RCN1: variants seen among roughly 807,000 people sequenced by gnomAD.
RCN1 encodes reticulocalbin-1.
Under a neutral mutation model 34.7 loss-of-function variants are expected in RCN1, and 14 were observed. The observed-to-expected ratio is 0.40, with a 90% CI of 0.27 to 0.63. The LOEUF is 0.63. Among genes scored for constraint, RCN1 ranks in the 30% least tolerant of loss-of-function variants. RCN1 has a pLI of 0.37. For synonymous variants in RCN1, 125 were observed against 165.5 expected (o/e 0.76, Z 1.88); for missense variants, 326 against 425.1 (o/e 0.77, Z 2.05).
chr11:32,098,478 G>T lies in RCN1; in HGVS notation c.577G>T (p.Ala193Ser), dbSNP rs1478539991. 9 of 1,614,078 alleles carry T rather than the reference G, an allele frequency of 5.6e-6. No homozygotes were observed. The highest frequency in any genetic ancestry group is 1.3e-5 in the African/African-American group (1 of 75,054). ...DLTATREEFT[A>S]FLHPEEFEHM... is the part of the protein sequence containing the mutation. ...GACAGCTACTCGGGAGGAGTTCACTGCCTTTCTGCATCCTGAAGAGTTTGA... is the reference window on the plus strand; with the variant it reads ...GACAGCTACTCGGGAGGAGTTCACTTCCTTTCTGCATCCTGAAGAGTTTGA... The change falls in exon 3 of 6, where the codon GCC becomes TCC. Residue 193 changes from alanine (A) to serine (S), a missense_variant. By Grantham distance (99) the Ala-to-Ser change is moderately conservative. Transcript: ENST00000054950.
chr11:32,092,487 T>C (rs1009100178), intron 1 of RCN1, among the ~76,000 whole-genome samples: 1 of 151,858 alleles, frequency 6.6e-6, no homozygotes, highest in Non-Finnish European at 1.5e-5. Context: ...ACTGATTTGT[T>C]TGGGGGGCAA....
intron 4 of RCN1, among the ~76,000 whole-genome samples, chr11:32,101,740 C>G (rs910777280): frequency 2.0e-5 from 3 of 152,178 alleles, no homozygotes; most frequent in Non-Finnish European, 4.4e-5. Context: ...TGACAGCTCC[C>G]TCATCAGAGC....
At chr11:32,092,015 T>G (rs223044) in intron 1 of RCN1, among the ~76,000 whole-genome samples, 104,647 of 151,870 alleles carry the variant, frequency 0.69, 36,416 homozygotes, top group East Asian at 0.97. Flanking sequence ...TCGTAAGGAG[T>G]CTGGGCGCGG....
chr11:32,093,036 A>G (rs1270484367), intron 1 of RCN1, among the ~76,000 whole-genome samples: 3 of 152,142 alleles, frequency 2.0e-5, no homozygotes, highest in African/African-American at 4.8e-5. Context: ...AGTTCAGTCT[A>G]TTGTATTGCT....
intron 4 of RCN1, chr11:32,102,215 C>T (rs1055768479): frequency 1.3e-5 from 2 of 151,964 alleles, no homozygotes; most frequent in Admixed American, 6.6e-5. Flanking sequence ...CTGTGTGACC[C>T]TGGGGTAATC....
rs769643112 is a variant in RCN1 at position 32,104,438 on chromosome 11, G to C, written c.962G>C (p.Gly321Ala). 1.3e-6 allele frequency: 2 copies of C among 1,544,368 alleles called. No individual in the cohort carries two copies. The highest frequency in any genetic ancestry group is 1.8e-6 in the Non-Finnish European group (2 of 1,118,584). Reference protein sequence around the residue: ...MFVGSQATNYGEDLTKNHDEL With the variant: ...MFVGSQATNYAEDLTKNHDEL ...GTCGGAAGCCAAGCTACCAATTACG[G>C]GGAAGATCTCACAAAAAATCATGAT... Residue 321 changes from glycine to alanine, a missense_variant, in exon 6 of 6, where the codon GGG becomes GCG. Physicochemically the swap from Gly to Ala is moderately conservative, Grantham distance 60. Transcript: ENST00000054950.
chr11:32,098,780 T>C (rs1209044649), intron 3 of RCN1, among the ~76,000 whole-genome samples: 1 of 152,158 alleles, frequency 6.6e-6, no homozygotes, highest in African/African-American at 2.4e-5. Flanking sequence ...TCCTGGGCTG[T>C]TCTCTGAGCA....
chr11:32,103,345 G>C lies in RCN1; in HGVS notation c.753G>C (p.Gln251His), dbSNP rs867590029. The change falls in exon 5 of 6, where the codon CAG (glutamine) becomes CAC (histidine). Residue 251 changes from glutamine to histidine, a missense_variant. Coordinates refer to ENST00000054950, the MANE Select transcript of RCN1 (RefSeq NM_002901.4). Reference sequence around the variant, plus strand: ...ACTGGGTTTTATCAGAACGGGAGCAGTTTAACGAATTCCGGGATCTGAACA... The same window carrying C: ...ACTGGGTTTTATCAGAACGGGAGCACTTTAACGAATTCCGGGATCTGAACA... The part of the protein sequence containing the change: ...EPDWVLSERE[Q>H]FNEFRDLNKD... 32 of 1,613,876 alleles carry C rather than the reference G, an allele frequency of 2.0e-5. 2 individuals are homozygous for C. The Middle Eastern group carries it at 5.1e-3, about 258-fold the overall frequency.
At chr11:32,091,576 C>T in intron 1 of RCN1, 126 bp downstream of exon 1, 1 of 1,241,958 alleles carries the variant, frequency 8.1e-7, no homozygotes, top group East Asian at 2.9e-5. Flanking sequence ...GAGGATGGGG[C>T]CCTGCCCAAC....
rs1269136802 is a variant in RCN1 at position 32,105,114 on chromosome 11, G to T, written c.*642G>T. 1 of 167,092 alleles carries T rather than the reference G, an allele frequency of 6.0e-6. No homozygotes were observed. Among genetic ancestry groups the T allele is most frequent in the East Asian group, 1.9e-4 (1 of 5,208 alleles). 10.4% of individuals were successfully genotyped at this position (167,092 alleles called of 1,614,324 possible). A position where few individuals can be genotyped will look rare whatever the true frequency, so the allele number is the denominator to read the frequency against. On this transcript the variant is annotated 3_prime_UTR_variant, in exon 6 of 6. Coordinates refer to ENST00000054950, the MANE Select transcript of RCN1 (RefSeq NM_002901.4). ...TTTCTATTAAAAAGCAATCAAGAAA[G>T]ATAATGTGAAAAAGAAAGGAATTTA...
At chr11:32,098,592 C>G in intron 3 of RCN1, 64 bp downstream of exon 3, 1 of 1,314,224 alleles carries the variant, frequency 7.6e-7, no homozygotes, top group Non-Finnish European at 1.0e-6. Context: ...CAAATCTTGT[C>G]TCTTCCAAAG....
Position 32,091,117 on chromosome 11 carries a change from C to A in RCN1, c.-80C>A. 1 of 1,359,676 alleles carries A rather than the reference C, an allele frequency of 7.4e-7. No homozygotes were observed. The highest frequency in any genetic ancestry group is 9.4e-7 in the Non-Finnish European group (1 of 1,061,652). The allele number at this position is 1,359,676 out of a possible 1,614,324, so 84.2% of individuals were successfully genotyped here. A position where few individuals can be genotyped will look rare whatever the true frequency, so the allele number is the denominator to read the frequency against. ...GGCCCCAACCCTGTCGCTGCCGCCGCGCTCCGAGTCCCCATTCCCGAGCTG... is the reference window on the plus strand; with the variant it reads ...GGCCCCAACCCTGTCGCTGCCGCCGAGCTCCGAGTCCCCATTCCCGAGCTG... On this transcript the variant is annotated 5_prime_UTR_variant, in exon 1 of 6. Coordinates refer to ENST00000054950, the MANE Select transcript of RCN1 (RefSeq NM_002901.4).
chr11:32,094,439 G>A (rs1050615197), intron 1 of RCN1, among the ~76,000 whole-genome samples: 5 of 152,128 alleles, frequency 3.3e-5, no homozygotes, highest in Admixed American at 1.3e-4. Context: ...GTCAGTCATC[G>A]TCTGCAGCAG....
chr11:32,104,205 T>C (rs1852080691), intron 5 of RCN1, among the ~76,000 whole-genome samples, 160 bp from the exon 6 acceptor site: 1 of 152,224 alleles, frequency 6.6e-6, no homozygotes. Flanking sequence ...TTTGGAGTTT[T>C]GCAATGCAGT....
chr11:32,105,429 G>A lies in RCN1; in HGVS notation c.*957G>A, dbSNP rs1383439415. The A allele has an allele frequency of 2.6e-5, 4 of 152,230 alleles. No homozygotes were observed. Among genetic ancestry groups the A allele is most frequent in the African/African-American group, 7.2e-5 (3 of 41,428 alleles). 9.4% of individuals were successfully genotyped at this position (152,230 alleles called of 1,614,324 possible). A position where few individuals can be genotyped will look rare whatever the true frequency, so the allele number is the denominator to read the frequency against. ...AGCTTATACCATGGAATGAGGACAAGGTGATACTCTGAGCTGTGGACTGAA... is the reference window on the plus strand; with the variant it reads ...AGCTTATACCATGGAATGAGGACAAAGTGATACTCTGAGCTGTGGACTGAA... On this transcript the variant is annotated 3_prime_UTR_variant, in exon 6 of 6. Transcript: ENST00000054950.
At chr11:32,092,833 C>T (rs11031586) in intron 1 of RCN1, among the ~76,000 whole-genome samples, 21,189 of 152,080 alleles carry the variant, frequency 0.14, 1,592 homozygotes, top group South Asian at 0.25. Context: ...CATCCCTGTG[C>T]TCCTGGGGGC....
chr11:32,097,119 C>CTTTTTTTT (rs374577571), intron 1 of RCN1, 25 bp from the exon 2 acceptor site: 1 of 1,013,840 alleles, frequency 9.9e-7, no homozygotes. Flanking sequence ...GTGTGGGTTT[C>CTTTTTTTT]TTTTTTTTTT....
At chr11:32,096,886 T>G in intron 1 of RCN1, 1 of 384,674 alleles carries the variant, frequency 2.6e-6, no homozygotes, top group Non-Finnish European at 4.6e-6. Context: ...CACCTCTAGG[T>G]TTATCAGGAC....
rs532421809 is a variant in RCN1 at position 32,097,357 on chromosome 11, C to T, written c.448+20C>T. On this transcript the variant is annotated intron_variant, in intron 2 of 5. Coordinates refer to ENST00000054950, the MANE Select transcript of RCN1 (RefSeq NM_002901.4). ...ACCTAGGTAAGAGGTGCTGCAGGAG[C>T]GATGACACAGTGGGGGCCCAGATCA... is the stretch of plus-strand genomic sequence containing the variant. 3.3e-6 allele frequency: 5 copies of T among 1,505,132 alleles called. No individual in the cohort carries two copies. The highest frequency in any genetic ancestry group is 2.4e-5 in the Admixed American group (1 of 41,244). 93.2% of individuals were successfully genotyped at this position (1,505,132 alleles called of 1,614,324 possible).
Sources: gnomAD v4.1 joint callset for allele counts (sites outside exome capture counted in the v4.1 genomes callset) on GRCh38, gnomAD v4.1.1 for gene constraint, MANE v1.5 for transcripts, NCBI Gene and HGNC (gene_info 2026-07-23, HGNC 2026-07-21) for gene names.